The following DCBLD1 variants were observed in gnomAD, a reference collection of about 807,000 sequenced individuals.
DCBLD1 encodes discoidin, CUB and LCCL domain containing 1, also known as discoidin, CUB and LCCL domain-containing protein 1.
A neutral mutation model predicts 71.5 loss-of-function variants in DCBLD1; 57 were observed. The ratio of observed to expected loss-of-function variants is 0.80; its 90% CI spans 0.64 to 0.99. The LOEUF (loss-of-function observed/expected upper bound fraction) is 0.99. DCBLD1 is among the 50% of genes least tolerant of loss of function. The pLI, the probability that DCBLD1 is intolerant of heterozygous loss-of-function variation, is 0.00. For synonymous variants in DCBLD1, 380 were observed against 363.8 expected (o/e 1.04, Z -0.51); for missense variants, 891 against 923.5 (o/e 0.96, Z 0.46).
chr6:117,555,907 C>T (rs1362691552), intron 14 of DCBLD1, among the ~76,000 whole-genome samples: 1 of 152,120 alleles, frequency 6.6e-6, no homozygotes, highest in Non-Finnish European at 1.5e-5. Context: ...TTCTTTGTGG[C>T]CTATTAAAGT....
chr6:117,514,400 C>T (rs1778122732), intron 2 of DCBLD1, among the ~76,000 whole-genome samples: 1 of 151,956 alleles, frequency 6.6e-6, no homozygotes, highest in Non-Finnish European at 1.5e-5. Flanking sequence ...AAGCCAGGAG[C>T]TTGAGACCAA....
intron 1 of DCBLD1, among the ~76,000 whole-genome samples, chr6:117,497,707 G>A (rs1010699204): frequency 6.6e-6 from 1 of 152,092 alleles, no homozygotes; most frequent in African/African-American, 2.4e-5. Flanking sequence ...AGTATACTAA[G>A]TTCCTAGTTG....
chr6:117,545,924 G>A (rs902492110), intron 14 of DCBLD1, among the ~76,000 whole-genome samples: 2 of 152,158 alleles, frequency 1.3e-5, no homozygotes, highest in African/African-American at 4.8e-5. Context: ...GCTGAAAGGA[G>A]GAATTAAATA....
At position 117,549,430 on chromosome 6, in the gene DCBLD1, C is replaced by A; in HGVS notation, c.*991C>A. 1.0e-6 allele frequency: 1 copy of A among 985,384 alleles called. No individual in the cohort carries two copies. The highest frequency in any genetic ancestry group is 1.2e-6 in the Non-Finnish European group (1 of 829,932). The allele number at this position is 985,384 out of a possible 1,614,324, so 61.0% of individuals were successfully genotyped here. ...ATCTCATTTTATAAGAAATGATTTTCCCCTCAAGGAGGCGTCTGTAATTCC... is the reference window on the plus strand; with the variant it reads ...ATCTCATTTTATAAGAAATGATTTTACCCTCAAGGAGGCGTCTGTAATTCC... On this transcript the variant is annotated 3_prime_UTR_variant, in exon 15 of 15. Transcript: ENST00000338728.
chr6:117,490,306 G>A (rs1300749876), intron 1 of DCBLD1, among the ~76,000 whole-genome samples: 2 of 151,908 alleles, frequency 1.3e-5, no homozygotes, highest in African/African-American at 4.8e-5. Context: ...TTAAATCTGT[G>A]TTTCATTGAA....
intron 12 of DCBLD1, 94 bp downstream of exon 12, chr6:117,543,305 G>T: frequency 1.0e-6 from 1 of 979,834 alleles, no homozygotes; most frequent in Non-Finnish European, 1.6e-6. Flanking sequence ...ATGTACAAAA[G>T]CAGCATGGCT....
chr6:117,492,498 G>T (rs1777327744), intron 1 of DCBLD1, among the ~76,000 whole-genome samples: 1 of 152,188 alleles, frequency 6.6e-6, no homozygotes, highest in African/African-American at 2.4e-5. Context: ...TAGAAAAGAA[G>T]TCATAGGGGA....
At chr6:117,547,544 C>CT in intron 14 of DCBLD1, 1 of 525,924 alleles carries the variant, frequency 1.9e-6, no homozygotes, top group Non-Finnish European at 3.8e-6. Flanking sequence ...CATATCAACT[C>CT]TATTTTCGAG....
At chr6:117,551,224 C>T (rs894001829), downstream of DCBLD1, among the ~76,000 whole-genome samples, 3 of 152,126 alleles carry the variant, frequency 2.0e-5, no homozygotes, top group Non-Finnish European at 4.4e-5. Context: ...GGACTTGTGC[C>T]TCTTGAATCT....
At chr6:117,567,568 T>TA (rs1779724139) in intron 14 of DCBLD1, among the ~76,000 whole-genome samples, 1 of 152,156 alleles carries the variant, frequency 6.6e-6, no homozygotes, top group Non-Finnish European at 1.5e-5. Context: ...TCTTATTCAA[T>TA]AGGTCTTGAG....
intron 4 of DCBLD1, among the ~76,000 whole-genome samples, chr6:117,522,961 ATTATT>A (rs755842111): frequency 5.4e-4 from 82 of 152,352 alleles, no homozygotes; most frequent in Admixed American, 8.5e-4. Context: ...AATGAATGAG[ATTATT>A]TTATGTGCAG....
At chr6:117,539,467 T>C in intron 9 of DCBLD1, 88 bp downstream of exon 9, 12 of 1,427,004 alleles carry the variant, frequency 8.4e-6, no homozygotes, top group Non-Finnish European at 7.5e-6. Context: ...AAATATCTCA[T>C]TAATAAAAGA....
exon 15 of DCBLD1, chr6:117,569,747 C>G: frequency 1.9e-6 from 3 of 1,568,246 alleles, no homozygotes; most frequent in Non-Finnish European, 1.7e-6. Context: ...CTAACAACAA[C>G]AAAGGGCAGT....
At chr6:117,562,046 T>A (rs1189723472) in intron 14 of DCBLD1, 5 of 206,552 alleles carry the variant, frequency 2.4e-5, no homozygotes, top group Non-Finnish European at 4.0e-5. Context: ...AGCAAAGCTA[T>A]CACCTCTTTA....
At chr6:117,509,819 G>C (rs1004248366) in intron 2 of DCBLD1, among the ~76,000 whole-genome samples, 11 of 152,162 alleles carry the variant, frequency 7.2e-5, no homozygotes, top group Admixed American at 6.5e-4. Flanking sequence ...ATGCCAAGCT[G>C]GTGGCAAGGG....
chr6:117,537,662 C>CTTTTTTTTTTTTTTTT lies in DCBLD1; in HGVS notation c.760+450_760+465dup, dbSNP rs68032011. ...CCTTTTTTCTCAGGTTACATAGCAC[C>CTTTTTTTTTTTTTTTT]TTTTTTTTTTTTTTTTTTTTTTTTT... On this transcript the variant is annotated intron_variant, in intron 7 of 14. Transcript: ENST00000338728. Among the ~76,000 whole-genome samples the CTTTTTTTTTTTTTTTT allele has an allele frequency of 4.3e-5, 2 of 46,880 alleles. 1 individual carries two copies. The highest frequency in any genetic ancestry group is 1.9e-4 in the African/African-American group (2 of 10,490). The allele number at this position is 46,880 out of a possible 152,430, so 30.8% of individuals were successfully genotyped here. A position where few individuals can be genotyped will look rare whatever the true frequency, so the allele number is the denominator to read the frequency against.
At chr6:117,547,675 C>T in intron 14 of DCBLD1, 1 of 852,608 alleles carries the variant, frequency 1.2e-6, no homozygotes, top group African/African-American at 1.7e-5. Flanking sequence ...CGTCGTCGCC[C>T]CCATCTCTGA....
rs967579857 is a variant in DCBLD1, at chr6:117,562,225, C to A, written c.1616-7395C>A. 11 of 208,018 alleles carry A rather than the reference C, an allele frequency of 5.3e-5. No homozygotes were observed. In the South Asian group the frequency reaches 2.1e-3, roughly 39 times the overall value. 12.9% of individuals were successfully genotyped at this position (208,018 alleles called of 1,614,324 possible). ...AACTGACATGAAAACCCAACCAAAA[C>A]AATTACTGTATCAAAATGTCTTTAT... is the stretch of plus-strand genomic sequence containing the variant. On this transcript the variant is annotated intron_variant, in intron 14 of 14. Coordinates refer to the DCBLD1 transcript ENST00000296955.
chr6:117,494,855 C>T (rs1649701761), intron 1 of DCBLD1: 1 of 152,180 alleles, frequency 6.6e-6, no homozygotes. Flanking sequence ...GAGTCTAACC[C>T]AGGAGTTCAC....
Sources: gnomAD v4.1 joint callset for allele counts (sites outside exome capture counted in the v4.1 genomes callset) on GRCh38, gnomAD v4.1.1 for gene constraint, MANE v1.5 for transcripts, NCBI Gene and HGNC (gene_info 2026-07-23, HGNC 2026-07-21) for gene names.